The following RBFOX3 variants were observed in gnomAD, a reference collection of about 807,000 sequenced individuals.
RBFOX3 encodes the protein RNA binding protein fox-1 homolog 3.
In RBFOX3, 17 loss-of-function variants were observed where a neutral mutation model predicts 48.7. That is an observed-to-expected ratio of 0.35 (90% CI 0.24 to 0.52). RBFOX3 has a LOEUF of 0.52. RBFOX3 is among the 20% of genes least tolerant of loss of function. RBFOX3 has a pLI of 0.94. For missense variants in RBFOX3, 382 were observed against 497.5 expected (o/e 0.77, Z 2.21); for synonymous variants, 212 against 209.5 (o/e 1.01, Z -0.10).
rs1429094803 is a variant in RBFOX3, at chr17:79,198,980, T to A, written c.-34+36786A>T. Among the ~76,000 whole-genome samples, 1 of 152,164 alleles carries A rather than the reference T, an allele frequency of 6.6e-6. No individual in the cohort carries two copies. The highest frequency in any genetic ancestry group is 1.5e-5 in the Non-Finnish European group (1 of 68,028). On this transcript the variant is annotated intron_variant, in intron 4 of 14. Coordinates refer to ENST00000693108, the MANE Select transcript of RBFOX3 (RefSeq NM_001350451.2). The surrounding 1 kb of genome is among the most constrained non-coding windows in gnomAD (Gnocchi z 8.2). ...TGCTTCCCACTGGTTAAAATACAAA[T>A]TGTCTCCTGCAAAGATGCTGAGTTT...
chr17:79,496,847 C>A (rs1343057341), intron 1 of RBFOX3, among the ~76,000 whole-genome samples: 2 of 152,196 alleles, frequency 1.3e-5, no homozygotes, highest in African/African-American at 4.8e-5. Context: ...CTGCCTCCCA[C>A]GGAGCTGGGA....
intron 4 of RBFOX3, among the ~76,000 whole-genome samples, chr17:79,159,091 C>T (rs1412912470): frequency 2.6e-5 from 4 of 152,214 alleles, no homozygotes; most frequent in African/African-American, 7.2e-5. Context: ...CGAGGCCACA[C>T]GAGAAGCAAG....
chr17:79,502,952 TCA>T (rs2082579191), intron 1 of RBFOX3, among the ~76,000 whole-genome samples: 1 of 152,146 alleles, frequency 6.6e-6, no homozygotes, highest in African/African-American at 2.4e-5. Flanking sequence ...CATAACAATA[TCA>T]CAGACTGGGG....
chr17:79,467,476 T>C (rs2149340490), intron 2 of RBFOX3, among the ~76,000 whole-genome samples: 1 of 152,270 alleles, frequency 6.6e-6, no homozygotes, highest in East Asian at 1.9e-4. Context: ...CTCATGTGGA[T>C]GTTGAGGACA....
chr17:79,229,209 A>T (rs890011422), intron 4 of RBFOX3, among the ~76,000 whole-genome samples: 8 of 120,720 alleles, frequency 6.6e-5, no homozygotes, highest in African/African-American at 2.6e-4. Context: ...AGCCTGGGTG[A>T]CAGTGTGAAT....
chr17:79,173,223 C>T (rs922704871), intron 4 of RBFOX3, among the ~76,000 whole-genome samples: 1 of 152,086 alleles, frequency 6.6e-6, no homozygotes, highest in Non-Finnish European at 1.5e-5. Context: ...TAAATAAATA[C>T]ATACATACAT....
rs918611112 is a variant in RBFOX3, at chr17:79,564,090, T to C, written c.-320+46736A>G. Among the ~76,000 whole-genome samples, 52 of 152,302 alleles carry C rather than the reference T, an allele frequency of 3.4e-4. 1 individual carries two copies. In the East Asian group the frequency reaches 9.4e-3, roughly 28 times the overall value. The stretch of plus-strand genomic sequence containing the variant: ...TGCAGCTTCTTTGGGGTCAGTACCT[T>C]ACCCAAGGTCACACAGCTAAGGAAA... On this transcript the variant is annotated intron_variant, in intron 1 of 14. Transcript: ENST00000693108.
At chr17:79,629,011 A>T in the RBFOX3 span, among the ~76,000 whole-genome samples, 1 of 152,180 alleles carries the variant, frequency 6.6e-6, no homozygotes, top group South Asian at 2.1e-4. Flanking sequence ...GCCTTTGTTC[A>T]TTCATTGATT....
In RBFOX3 at chr17:79,280,840, G is replaced by T. The variant is rs989303683; in HGVS notation, c.-74+26884C>A. Among the ~76,000 whole-genome samples, 2 of 124,494 alleles carry T rather than the reference G, an allele frequency of 1.6e-5. 1 individual carries two copies. The highest frequency in any genetic ancestry group is 3.5e-5 in the Non-Finnish European group (2 of 57,050). The allele number at this position is 124,494 out of a possible 152,430, so 81.7% of individuals were successfully genotyped here. A position where few individuals can be genotyped will look rare whatever the true frequency, so the allele number is the denominator to read the frequency against. ...GAGCTGCCAGGCAGGCTGTCCCATT[G>T]TGGGGGGGGGGAGGGGAGGGTCTCC... On this transcript the variant is annotated intron_variant, in intron 3 of 14. Transcript: ENST00000693108.
At chr17:79,514,912 C>A (rs1007158670) in intron 1 of RBFOX3, among the ~76,000 whole-genome samples, 6 of 152,156 alleles carry the variant, frequency 3.9e-5, no homozygotes, top group Admixed American at 6.5e-5. Flanking sequence ...GGATGGGGAG[C>A]TTTCCAGAAA....
chr17:79,600,189 A>G (rs1193766340), intron 1 of RBFOX3: 1 of 152,242 alleles, frequency 6.6e-6, no homozygotes, highest in African/African-American at 2.4e-5. Context: ...TACATGACAC[A>G]CACATGTGCT....
chr17:79,490,940 G>C (rs1043310234), intron 1 of RBFOX3, among the ~76,000 whole-genome samples: 4 of 148,814 alleles, frequency 2.7e-5, no homozygotes, highest in Non-Finnish European at 4.4e-5. Context: ...CATGGGTGAC[G>C]GGTGTCTAGG....
chr17:79,498,868 TCATCCATCCATC>T (rs56766707), intron 1 of RBFOX3, among the ~76,000 whole-genome samples: 23 of 135,768 alleles, frequency 1.7e-4, no homozygotes, highest in East Asian at 1.1e-3. Flanking sequence ...ACCCATTCGC[TCATCCATCCATC>T]CATCCATCCA....
the RBFOX3 span, among the ~76,000 whole-genome samples, chr17:79,646,530 G>A: frequency 6.6e-6 from 1 of 152,168 alleles, no homozygotes; most frequent in Non-Finnish European, 1.5e-5. Context: ...GTGTGCAGGG[G>A]AACTCACACT....
rs1023579126 is a variant in RBFOX3 at position 79,090,187 on chromosome 17, C to T, written c.*696G>A. ...GGCTCCTGGCTGGCTGGGCTTCCTTCGTCCTCCCATGGAGCGCCCCTGAGT... is the reference window on the plus strand; with the variant it reads ...GGCTCCTGGCTGGCTGGGCTTCCTTTGTCCTCCCATGGAGCGCCCCTGAGT... On this transcript the variant is annotated 3_prime_UTR_variant, in exon 15 of 15. Coordinates refer to ENST00000693108, the MANE Select transcript of RBFOX3 (RefSeq NM_001350451.2). 6.6e-6 allele frequency: 1 copy of T among 152,334 alleles called. No homozygotes were observed. Among genetic ancestry groups the T allele is most frequent in the Non-Finnish European group, 1.5e-5 (1 of 68,132 alleles). 9.4% of individuals were successfully genotyped at this position (152,334 alleles called of 1,614,324 possible).
intron 2 of RBFOX3, among the ~76,000 whole-genome samples, chr17:79,337,036 C>A (rs556310368): frequency 1.2e-4 from 18 of 152,246 alleles, no homozygotes; most frequent in African/African-American, 4.3e-4. Flanking sequence ...AGAAGAATCG[C>A]TTGAACCTGG....
rs2088644066 is a variant in RBFOX3 at position 79,535,893 on chromosome 17, T to TC, written c.-319-53296dup. The stretch of plus-strand genomic sequence containing the variant: ...AACCCACTCCTGGTTTCCCTGCACC[T>TC]CCCCCAGCCACTGCACCCCTGCCCG... On this transcript the variant is annotated intron_variant, in intron 1 of 14. Coordinates refer to ENST00000693108, the MANE Select transcript of RBFOX3 (RefSeq NM_001350451.2). The surrounding 1 kb of genome is among the most constrained non-coding windows in gnomAD (Gnocchi z 4.5). 6.6e-6 allele frequency among the ~76,000 whole-genome samples: 1 copy of TC among 151,748 alleles called. No homozygotes were observed. The highest frequency in any genetic ancestry group is 1.5e-5 in the Non-Finnish European group (1 of 67,896).
At chr17:79,401,508 G>A (rs117180997) in intron 2 of RBFOX3, among the ~76,000 whole-genome samples, 1 of 152,370 alleles carries the variant, frequency 6.6e-6, no homozygotes, top group Non-Finnish European at 1.5e-5. Flanking sequence ...TCCTGCGTGT[G>A]TGTTCCCAGT....
intron 1 of RBFOX3, among the ~76,000 whole-genome samples, chr17:79,518,887 G>A (rs1329355014): frequency 1.3e-5 from 2 of 152,374 alleles, no homozygotes; most frequent in African/African-American, 2.4e-5. Context: ...TTGTTTTCCC[G>A]TCGTAGGGAG....
Sources: gnomAD v4.1 joint callset for allele counts (sites outside exome capture counted in the v4.1 genomes callset) on GRCh38, gnomAD v4.1.1 for gene constraint, Gnocchi (gnomAD v3.1) non-coding constraint, MANE v1.5 for transcripts, NCBI Gene and HGNC (gene_info 2026-07-23, HGNC 2026-07-21) for gene names.